SV2C: variants seen among roughly 807,000 people sequenced by gnomAD.
The protein encoded by SV2C is synaptic vesicle glycoprotein 2C.
Under a neutral mutation model 79.7 loss-of-function variants are expected in SV2C, and 49 were observed. The observed-to-expected ratio is 0.61, with a 90% CI of 0.49 to 0.78. The LOEUF (loss-of-function observed/expected upper bound fraction) is 0.78, where lower values mean the gene tolerates loss of function less well. Among genes scored for constraint, SV2C ranks in the 30% least tolerant of loss-of-function variants. The pLI is 0.00. For synonymous variants in SV2C, 334 were observed against 333.2 expected (o/e 1.00, Z -0.03); for missense variants, 833 against 912.9 (o/e 0.91, Z 1.13).
chr5:76,150,589 C>CAGTG (rs749196807), intron 2 of SV2C, among the ~76,000 whole-genome samples: 3 of 148,670 alleles, frequency 2.0e-5, no homozygotes, highest in East Asian at 4.0e-4. Context: ...AGCACACCAG[C>CAGTG]AGTGGCCCAA....
chr5:75,871,586 GGTC>G, the SV2C span, among the ~76,000 whole-genome samples: 2 of 152,068 alleles, frequency 1.3e-5, no homozygotes, highest in South Asian at 4.2e-4. Context: ...AAGGCCGGTG[GGTC>G]ACAAGGTCAG....
chr5:75,980,841 C>T, the SV2C span, among the ~76,000 whole-genome samples: 1 of 152,086 alleles, frequency 6.6e-6, no homozygotes, highest in Non-Finnish European at 1.5e-5. Flanking sequence ...CTATTCAACA[C>T]AGTACTGGAG....
chr5:75,959,859 T>C, the SV2C span, among the ~76,000 whole-genome samples: 1 of 151,912 alleles, frequency 6.6e-6, no homozygotes, highest in African/African-American at 2.4e-5. Context: ...CACAAAGAAA[T>C]GAGAAAGTAT....
the SV2C span, among the ~76,000 whole-genome samples, chr5:76,016,254 T>TAAAAAAAAAAAAAAAAAAAAAAAA: frequency 8.7e-4 from 79 of 90,328 alleles, 6 homozygotes; most frequent in African/African-American, 2.3e-3. Flanking sequence ...TTTAATTTTC[T>TAAAAAAAAAAAAAAAAAAAAAAAA]AAAAAAAAAA....
At chr5:76,302,950 G>A (rs1007017492) in intron 12 of SV2C, among the ~76,000 whole-genome samples, 1 of 152,170 alleles carries the variant, frequency 6.6e-6, no homozygotes, top group Non-Finnish European at 1.5e-5. Context: ...GATCTTGAGT[G>A]CTTCCTCTGG....
At chr5:76,179,429 C>A (rs1040612031) in intron 2 of SV2C, among the ~76,000 whole-genome samples, 2 of 152,174 alleles carry the variant, frequency 1.3e-5, no homozygotes, top group African/African-American at 2.4e-5. Flanking sequence ...AAAATTCCTA[C>A]TTTTTTCTTA....
chr5:76,155,944 A>C (rs911624827), intron 2 of SV2C, among the ~76,000 whole-genome samples: 2 of 4,674 alleles, frequency 4.3e-4, no homozygotes, highest in East Asian at 4.9e-3. Flanking sequence ...GTTTCTCTCA[A>C]AAAAAAAAAA....
At chr5:76,171,935 T>C (rs1247909158) in intron 2 of SV2C, among the ~76,000 whole-genome samples, 1 of 71,376 alleles carries the variant, frequency 1.4e-5, no homozygotes, top group Non-Finnish European at 2.9e-5. Context: ...GGGAGGGAGG[T>C]AGGGGGGTCA....
the SV2C span, among the ~76,000 whole-genome samples, chr5:75,913,999 T>C: frequency 6.6e-6 from 1 of 152,206 alleles, no homozygotes; most frequent in South Asian, 2.1e-4. Flanking sequence ...TATTTTAACT[T>C]GAAACCTATA....
At chr5:75,910,957 C>A in the SV2C span, 1 of 908,916 alleles carries the variant, frequency 1.1e-6, no homozygotes, top group Non-Finnish European at 1.8e-6. Context: ...TCTCTTTAGT[C>A]ATTTATCCCC....
At chr5:75,875,002 A>G in the SV2C span, among the ~76,000 whole-genome samples, 5 of 152,172 alleles carry the variant, frequency 3.3e-5, no homozygotes, top group African/African-American at 7.2e-5. Flanking sequence ...TACAGATTCA[A>G]TGCTATTCCT....
At chr5:76,012,797 G>C in the SV2C span, among the ~76,000 whole-genome samples, 1 of 152,110 alleles carries the variant, frequency 6.6e-6, no homozygotes, top group Non-Finnish European at 1.5e-5. Context: ...TGTAAGGAAG[G>C]GGTCCAGTTT....
At chr5:76,108,938 G>A (rs928421762) in intron 1 of SV2C, among the ~76,000 whole-genome samples, 34 of 152,178 alleles carry the variant, frequency 2.2e-4, no homozygotes, top group African/African-American at 7.5e-4. Flanking sequence ...GAGATGATGT[G>A]AATAGCCCAA....
the SV2C span, among the ~76,000 whole-genome samples, chr5:76,026,857 T>C: frequency 6.6e-6 from 1 of 151,816 alleles, no homozygotes; most frequent in African/African-American, 2.4e-5. Context: ...GAAGTGGGAG[T>C]TCCTGAGGAT....
At position 76,325,552 on chromosome 5, in the gene SV2C, A is replaced by G. The variant is rs768691488; in HGVS notation, c.*5A>G. 9 of 1,611,382 alleles carry G rather than the reference A, an allele frequency of 5.6e-6. No individual in the cohort carries two copies. The highest frequency in any genetic ancestry group is 1.7e-4 in the Middle Eastern group (1 of 5,868). On this transcript the variant is annotated 3_prime_UTR_variant, in exon 13 of 13. Transcript: ENST00000502798. ...CGAACCCAGGTTCTGATGTAATGGG[A>G]AAAAAAGCCATCCTTCCTGCGTTTC... is the stretch of plus-strand genomic sequence containing the variant.
chr5:75,956,048 A>G, the SV2C span, among the ~76,000 whole-genome samples: 2 of 143,384 alleles, frequency 1.4e-5, no homozygotes, highest in Non-Finnish European at 1.5e-5. Flanking sequence ...ATTACTGGGT[A>G]TATACCCAAA....
chr5:76,219,840 T>G (rs1249103572), intron 4 of SV2C, among the ~76,000 whole-genome samples: 4 of 152,230 alleles, frequency 2.6e-5, no homozygotes, highest in African/African-American at 9.6e-5. Context: ...CCAATTATTG[T>G]GGAATTGAAG....
chr5:76,060,333 A>T, the SV2C span, among the ~76,000 whole-genome samples: 1 of 152,112 alleles, frequency 6.6e-6, no homozygotes, highest in Non-Finnish European at 1.5e-5. Flanking sequence ...TTTCGTCTAC[A>T]CTGAAAATAC....
chr5:76,258,120 A>G (rs1746348840), intron 4 of SV2C, among the ~76,000 whole-genome samples: 1 of 134,422 alleles, frequency 7.4e-6, no homozygotes, highest in Admixed American at 7.6e-5. Flanking sequence ...GGTGTGGTGT[A>G]TGGTATATGG....
Sources: gnomAD v4.1 joint callset for allele counts (sites outside exome capture counted in the v4.1 genomes callset) on GRCh38, gnomAD v4.1.1 for gene constraint, MANE v1.5 for transcripts, NCBI Gene and HGNC (gene_info 2026-07-23, HGNC 2026-07-21) for gene names.